Variants in TRDN observed in about 807,000 individuals in gnomAD.
TRDN encodes triadin in skeletal muscle.
Under a neutral mutation model 149.7 loss-of-function variants are expected in TRDN, and 161 were observed. The observed-to-expected ratio is 1.08, with a 90% CI of 0.95 to 1.23. The LOEUF is 1.23. Among genes scored for constraint, TRDN ranks in the 50% most tolerant of loss-of-function variants. The probability of loss-of-function intolerance (pLI) is 0.00; values close to 1 mark genes in which losing one functional copy is unlikely to be tolerated. For missense variants in TRDN, 896 were observed against 823.5 expected, an observed-to-expected ratio of 1.09 and a Z score of -1.08; for synonymous variants, 294 against 250.5, an observed-to-expected ratio of 1.17 and a Z score of -1.64.
chr6:123,603,049 T>A (rs897912273), intron 1 of TRDN, among the ~76,000 whole-genome samples: 2 of 152,148 alleles, frequency 1.3e-5, no homozygotes, highest in African/African-American at 4.8e-5. Flanking sequence ...ATTTCAGATA[T>A]TCAGAACTCA....
chr6:123,463,290 T>G (rs1776574208), intron 10 of TRDN, among the ~76,000 whole-genome samples: 1 of 150,988 alleles, frequency 6.6e-6, no homozygotes, highest in South Asian at 2.1e-4. Context: ...TGAGCCGAGA[T>G]GGTGCCACTG....
intron 24 of TRDN, among the ~76,000 whole-genome samples, chr6:123,306,178 GAC>G (rs1487819347): frequency 2.0e-5 from 3 of 152,070 alleles, no homozygotes; most frequent in Non-Finnish European, 4.4e-5. Context: ...TCTGCCCAGG[GAC>G]AGATAAAATG....
chr6:123,574,490 T>C (rs1323490570), intron 1 of TRDN, among the ~76,000 whole-genome samples: 2 of 151,900 alleles, frequency 1.3e-5, no homozygotes, highest in East Asian at 3.9e-4. Flanking sequence ...TGAAATGCAA[T>C]TTAAGACCCA....
chr6:123,351,621 G>A (rs1380016706), intron 21 of TRDN: 1 of 962,778 alleles, frequency 1.0e-6, no homozygotes, highest in African/African-American at 1.8e-5. Context: ...CTTAACCTTA[G>A]TTTACTTATT....
At chr6:123,584,612 G>C (rs918653081) in intron 1 of TRDN, among the ~76,000 whole-genome samples, 4 of 152,218 alleles carry the variant, frequency 2.6e-5, no homozygotes, top group Admixed American at 2.6e-4. Context: ...TAACAGATGA[G>C]GATGAAATTT....
intron 12 of TRDN, among the ~76,000 whole-genome samples, chr6:123,407,500 C>G (rs1773244498): frequency 6.6e-6 from 1 of 152,178 alleles, no homozygotes; most frequent in Admixed American, 6.5e-5. Context: ...CTTAAGGCAT[C>G]TGTCCCTTTC....
intron 6 of TRDN, among the ~76,000 whole-genome samples, chr6:123,515,490 T>C (rs1302835889): frequency 6.6e-6 from 1 of 151,752 alleles, no homozygotes; most frequent in African/African-American, 2.4e-5. Flanking sequence ...TGAGAAGATT[T>C]CAGGATATAT....
At chr6:123,361,549 G>A (rs1780906140) in intron 20 of TRDN, among the ~76,000 whole-genome samples, 1 of 151,740 alleles carries the variant, frequency 6.6e-6, no homozygotes, top group Non-Finnish European at 1.5e-5. Flanking sequence ...AGATGGATAT[G>A]GGTTAAATAA....
intron 35 of TRDN, among the ~76,000 whole-genome samples, chr6:123,258,866 G>A (rs1455323843): frequency 1.3e-5 from 2 of 152,114 alleles, no homozygotes; most frequent in Non-Finnish European, 2.9e-5. Context: ...TCAGTCTTGG[G>A]AGGGTGTGTG....
At chr6:123,501,894 C>T (rs1778716253) in intron 8 of TRDN, 1 of 974,038 alleles carries the variant, frequency 1.0e-6, no homozygotes, top group Non-Finnish European at 1.2e-6. Flanking sequence ...ATATTTGTGG[C>T]CTGGAAAATA....
chr6:123,526,766 A>G (rs35424426), intron 5 of TRDN, among the ~76,000 whole-genome samples: 86,112 of 151,808 alleles, frequency 0.57, 25,289 homozygotes, highest in Non-Finnish European at 0.65. Context: ...GGGTTGTTAC[A>G]GGAACTTGGG....
chr6:123,254,008 A>G (rs1454985419), intron 37 of TRDN, among the ~76,000 whole-genome samples: 1 of 152,112 alleles, frequency 6.6e-6, no homozygotes, highest in Non-Finnish European at 1.5e-5. Flanking sequence ...GTACCATATA[A>G]ATACTCTTGA....
intron 1 of TRDN, among the ~76,000 whole-genome samples, chr6:123,597,774 G>A (rs773034393): frequency 2.0e-5 from 3 of 151,964 alleles, no homozygotes; most frequent in African/African-American, 4.8e-5. Flanking sequence ...AAATTAAAGT[G>A]TGTATATATT....
At chr6:123,238,628 G>A (rs1028049840) in intron 38 of TRDN, among the ~76,000 whole-genome samples, 3 of 151,990 alleles carry the variant, frequency 2.0e-5, no homozygotes, top group African/African-American at 4.8e-5. Flanking sequence ...AATAGTCTAC[G>A]TCCATCAGAT....
chr6:123,439,062 G>T (rs1238242063), intron 10 of TRDN, 59 bp from the exon 11 acceptor site: 8 of 1,368,734 alleles, frequency 5.8e-6, no homozygotes, highest in East Asian at 5.1e-5. Flanking sequence ...GCAAAACCAA[G>T]GTTGAAATGA....
chr6:123,559,603 C>T (rs1388426480), intron 2 of TRDN, among the ~76,000 whole-genome samples: 9 of 152,088 alleles, frequency 5.9e-5, no homozygotes, highest in African/African-American at 1.4e-4. Flanking sequence ...ACCCTTACCC[C>T]AATCAATGCC....
intron 5 of TRDN, among the ~76,000 whole-genome samples, chr6:123,530,085 T>C (rs1780164106): frequency 6.6e-6 from 1 of 151,848 alleles, no homozygotes; most frequent in Non-Finnish European, 1.5e-5. Context: ...TGCCATGAGG[T>C]CATATAATGA....
intron 8 of TRDN, chr6:123,502,794 G>C (rs143831640): frequency 1.0e-6 from 1 of 985,200 alleles, no homozygotes; most frequent in African/African-American, 1.7e-5. Flanking sequence ...GAAAAATTTG[G>C]TTTTGCAATG....
At chr6:123,420,436 AAC>A in intron 12 of TRDN, among the ~76,000 whole-genome samples, 1 of 152,254 alleles carries the variant, frequency 6.6e-6, no homozygotes. Flanking sequence ...CAAAACAATT[AAC>A]ACAAAAACTT....
Sources: gnomAD v4.1 joint callset for allele counts (sites outside exome capture counted in the v4.1 genomes callset) on GRCh38, gnomAD v4.1.1 for gene constraint, MANE v1.5 for transcripts, NCBI Gene and HGNC (gene_info 2026-07-23, HGNC 2026-07-21) for gene names.